ACSL6: variants seen among roughly 807,000 people sequenced by gnomAD.
The protein encoded by ACSL6 is acyl-CoA synthetase long chain family member 6, also known as long-chain-fatty-acid--CoA ligase 6.
Under a neutral mutation model 98.2 loss-of-function variants are expected in ACSL6, and 47 were observed. The ratio of observed to expected loss-of-function variants is 0.48; its 90% confidence interval spans 0.38 to 0.61. The LOEUF is 0.61. Ranked by LOEUF, ACSL6 falls within the 20% of genes least tolerant of loss-of-function variation. The pLI is 0.00. For missense variants in ACSL6, 761 were observed against 913.4 expected (o/e 0.83, Z 2.15); for synonymous variants, 362 against 336.9 (o/e 1.07, Z -0.82).
intron 16 of ACSL6, 133 bp from the exon 17 acceptor site, chr5:131,966,665 A>G: frequency 1.3e-6 from 1 of 779,548 alleles, no homozygotes; most frequent in Non-Finnish European, 2.2e-6. Flanking sequence ...AGGGATGGAA[A>G]CAGAGGACAA....
intron 14 of ACSL6, among the ~76,000 whole-genome samples, chr5:131,970,411 A>AT (rs35083562): frequency 0.075 from 10,433 of 139,556 alleles, 435 homozygotes; most frequent in Non-Finnish European, 0.1. Flanking sequence ...AAGAAGTGCT[A>AT]TTTTTTTTTT....
chr5:132,002,400 C>T (rs868718901), intron 1 of ACSL6, among the ~76,000 whole-genome samples: 46 of 152,204 alleles, frequency 3.0e-4, no homozygotes, highest in Admixed American at 1.2e-3. Flanking sequence ...AGGCCATGCA[C>T]TCAGAGCTCA....
At chr5:131,973,727 C>T (rs1047475594) in intron 11 of ACSL6, 5 of 232,742 alleles carry the variant, frequency 2.1e-5, no homozygotes, top group African/African-American at 4.5e-5. Context: ...CCTGGGGACT[C>T]AGGCCTTTGA....
intron 2 of ACSL6, 121 bp from the exon 3 acceptor site, chr5:131,991,088 C>A: frequency 1.3e-6 from 1 of 777,186 alleles, no homozygotes; most frequent in African/African-American, 1.7e-5. Context: ...CAGTTAGCAC[C>A]GTGGCATCTG....
In ACSL6 at chr5:131,994,035, ACTT is replaced by A; in HGVS notation, c.263_265del (p.Glu88del). 1.2e-6 allele frequency: 2 copies of A among 1,613,428 alleles called. No individual in the cohort carries two copies. Among genetic ancestry groups the A allele is most frequent in the East Asian group, 2.2e-5 (1 of 44,878 alleles). On this transcript the variant is annotated inframe_deletion, in exon 2 of 21. Coordinates refer to ENST00000651883, the MANE Select transcript of ACSL6 (RefSeq NM_001009185.3). The stretch of plus-strand genomic sequence containing the variant: ...AACGTCTCCTATCCTGCTCACCTCT[ACTT>A]CTTCTGACTGCATCAGGAGGTTGCA...
In ACSL6 at chr5:132,011,493, A is replaced by G. The variant is rs1403753408; in HGVS notation, c.49+12T>C. On this transcript the variant is annotated intron_variant, in intron 1 of 20. Transcript: ENST00000651883. The surrounding 1 kb of genome is among the most constrained non-coding windows in gnomAD (Gnocchi z 5.4). ...GATGGGAGTCCGGGACGCGGACAGGACGGGCACTTACCTACGAATAGCCAG... is the reference window on the plus strand; with the variant it reads ...GATGGGAGTCCGGGACGCGGACAGGGCGGGCACTTACCTACGAATAGCCAG... 1 of 1,609,942 alleles carries G rather than the reference A, an allele frequency of 6.2e-7. No homozygotes were observed. Among genetic ancestry groups the G allele is most frequent in the South Asian group, 1.1e-5 (1 of 90,978 alleles).
chr5:132,011,741 C>T, upstream of ACSL6: 1 of 1,301,344 alleles, frequency 7.7e-7, no homozygotes, highest in African/African-American at 1.5e-5. The surrounding 1 kb of genome is among the most constrained non-coding windows in gnomAD (Gnocchi z 5.4). Flanking sequence ...AGGGGGAGGG[C>T]GCGGCGCGCA....
At chr5:131,981,411 G>C (rs1427607719) in intron 9 of ACSL6, among the ~76,000 whole-genome samples, 3 of 151,148 alleles carry the variant, frequency 2.0e-5, no homozygotes, top group Non-Finnish European at 4.4e-5. Context: ...AAGCTCAATG[G>C]AGTTTTCCAA....
intron 9 of ACSL6, among the ~76,000 whole-genome samples, chr5:131,980,474 T>A (rs746988351): frequency 3.9e-5 from 6 of 152,160 alleles, no homozygotes; most frequent in African/African-American, 7.2e-5. Flanking sequence ...ACAAAACGAA[T>A]AGGTCATGGT....
chr5:131,962,576 G>A lies in ACSL6; in HGVS notation c.1816C>T (p.Gln606Ter). 6.2e-7 allele frequency: 1 copy of A among 1,614,104 alleles called. No individual in the cohort carries two copies. Among genetic ancestry groups the A allele is most frequent in the Non-Finnish European group, 8.5e-7 (1 of 1,179,992 alleles). The change falls in exon 18 of 21, where the codon CAA (glutamine) becomes TAA (stop). Residue 606 changes from glutamine to a stop codon, truncating the protein, a stop_gained. Coordinates refer to ENST00000651883, the MANE Select transcript of ACSL6 (RefSeq NM_001009185.3). LOFTEE classifies it high-confidence loss of function. ...TGGACATAGATTTGCGCCACAGGTT[G>A]GCTCCGGATGTAGATGTTCTCAATC... ...EKIENIYIRSQPVAQIYVHGD... is the reference protein window; with the variant it reads ...EKIENIYIRS
upstream of ACSL6, chr5:132,011,830 G>C (rs1000926534): frequency 1.3e-6 from 2 of 1,492,096 alleles, no homozygotes; most frequent in Non-Finnish European, 1.8e-6. The surrounding 1 kb of genome is among the most constrained non-coding windows in gnomAD (Gnocchi z 5.4). Context: ...CCGCGGTGTC[G>C]GAACCGCCAA....
intron 9 of ACSL6, among the ~76,000 whole-genome samples, chr5:131,979,607 T>C (rs1753792002): frequency 6.6e-6 from 1 of 152,258 alleles, no homozygotes; most frequent in South Asian, 2.1e-4. Flanking sequence ...TAATGGCATA[T>C]GGAATTTTAA....
intron 1 of ACSL6, among the ~76,000 whole-genome samples, chr5:132,000,322 C>A (rs187646867): frequency 1.3e-5 from 2 of 152,256 alleles, no homozygotes; most frequent in Non-Finnish European, 2.9e-5. Flanking sequence ...ACCAGCCCTG[C>A]TCTCATGCCT....
At chr5:131,959,236 G>A (rs1483985202) in intron 20 of ACSL6, among the ~76,000 whole-genome samples, 3 of 152,154 alleles carry the variant, frequency 2.0e-5, no homozygotes, top group African/African-American at 4.8e-5. Context: ...TGTCGTCTTC[G>A]GTAATGCAGG....
chr5:131,972,850 G>T lies in ACSL6; in HGVS notation c.1212C>A (p.Ser404Arg). 1.2e-6 allele frequency: 2 copies of T among 1,614,158 alleles called. No individual in the cohort carries two copies. Among genetic ancestry groups the T allele is most frequent in the Non-Finnish European group, 1.7e-6 (2 of 1,180,026 alleles). Residue 404 changes from serine to arginine, a missense_variant, in exon 13 of 21, where the codon AGC (serine) becomes AGA (arginine). Transcript: ENST00000651883. ...AGCGCTTTAATGGTGTGTTTGCCTG[G>T]CTGAAGATCTGAGGAACATAAGTTG... ...LLNRMYDKIF[S>R]QANTPLKRWL...
At chr5:131,993,988 T>C (rs2126917654) in intron 2 of ACSL6, 43 bp downstream of exon 2, 4 of 1,594,334 alleles carry the variant, frequency 2.5e-6, no homozygotes, top group Non-Finnish European at 2.6e-6. Flanking sequence ...GCCTGTCCTC[T>C]GCCCCCTACT....
chr5:132,008,605 T>A (rs78817955), intron 1 of ACSL6, among the ~76,000 whole-genome samples: 1 of 152,200 alleles, frequency 6.6e-6, no homozygotes, highest in African/African-American at 2.4e-5. Flanking sequence ...TCCTCTACCA[T>A]CCAAATAAAA....
intron 9 of ACSL6, among the ~76,000 whole-genome samples, chr5:131,980,921 T>C (rs910332319): frequency 2.6e-5 from 4 of 152,136 alleles, no homozygotes; most frequent in Non-Finnish European, 2.9e-5. Flanking sequence ...TCACAGTCTC[T>C]GTCCCAGAGG....
intron 8 of ACSL6, 151 bp from the exon 9 acceptor site, chr5:131,985,609 G>A (rs1316687022): frequency 6.4e-6 from 5 of 780,354 alleles, no homozygotes; most frequent in Non-Finnish European, 1.1e-5. Context: ...CCTGTGTGCT[G>A]CGCTCAGAAA....
Sources: allele counts gnomAD v4.1 joint callset (sites outside exome capture counted in the v4.1 genomes callset), GRCh38; gene constraint gnomAD v4.1.1; non-coding constraint Gnocchi (gnomAD v3.1); transcripts MANE v1.5; gene names NCBI Gene and HGNC (gene_info 2026-07-23, HGNC 2026-07-21).